Variants in TMEM127 observed in about 807,000 individuals in gnomAD.
TMEM127 encodes transmembrane protein 127.
A neutral mutation model predicts 20.1 loss-of-function variants in TMEM127; 21 were observed. The observed-to-expected ratio is 1.04, with a 90% confidence interval of 0.74 to 1.50. TMEM127 has a LOEUF of 1.50. Ranked by LOEUF, TMEM127 falls within the 40% of genes most tolerant of loss-of-function variation. The pLI, the probability that TMEM127 is intolerant of heterozygous loss-of-function variation, is 0.00. For synonymous variants in TMEM127, 150 were observed against 144.7 expected (o/e 1.04, Z -0.26); for missense variants, 303 against 317.4 (o/e 0.95, Z 0.34).
chr2:96,258,129 C>T (rs1287206017), intron 2 of TMEM127, among the ~76,000 whole-genome samples: 1 of 152,160 alleles, frequency 6.6e-6, no homozygotes, highest in Non-Finnish European at 1.5e-5. Context: ...ATACCCAAAT[C>T]ACTGTGGCAC....
intron 2 of TMEM127, among the ~76,000 whole-genome samples, chr2:96,259,030 A>G (rs975665603): frequency 6.6e-6 from 1 of 152,248 alleles, no homozygotes; most frequent in Non-Finnish European, 1.5e-5. Flanking sequence ...CATCCATGAC[A>G]TATACTCCTA....
chr2:96,259,639 T>C (rs1376980400), intron 2 of TMEM127, among the ~76,000 whole-genome samples: 1 of 152,228 alleles, frequency 6.6e-6, no homozygotes, highest in South Asian at 2.1e-4. Context: ...CATCAGAGCC[T>C]GCTCTAGGAA....
chr2:96,261,654 T>C (rs1029247473), intron 2 of TMEM127, among the ~76,000 whole-genome samples: 2 of 152,190 alleles, frequency 1.3e-5, no homozygotes, highest in African/African-American at 4.8e-5. Flanking sequence ...GCAGCTTTGA[T>C]GGGAAATAAA....
Position 96,252,048 on chromosome 2 carries a change from A to G in TMEM127, c.*1760T>C, listed in dbSNP as rs1465190940. ...AGGCATCACATAGCAGGCAGCCTGC[A>G]GCCTTTCTTGCCTGAGAGAAGAGTC... On this transcript the variant is annotated 3_prime_UTR_variant, in exon 4 of 4. Transcript: ENST00000258439. This position sits in a 1 kb window ranked among gnomAD's most constrained non-coding sequence, Gnocchi z 4.2. 1.3e-5 allele frequency: 3 copies of G among 233,454 alleles called. No individual in the cohort carries two copies. The highest frequency in any genetic ancestry group is 6.6e-5 in the African/African-American group (3 of 45,364). 14.5% of individuals were successfully genotyped at this position (233,454 alleles called of 1,614,324 possible).
Position 96,254,124 on chromosome 2 carries a change from CAG to C in TMEM127, c.410-11_410-10del. The C allele has an allele frequency of 6.2e-7, 1 of 1,613,390 alleles. No homozygotes were observed. The highest frequency in any genetic ancestry group is 8.5e-7 in the Non-Finnish European group (1 of 1,180,028). On this transcript the variant is annotated splice_polypyrimidine_tract_variant and intron_variant, in intron 3 of 3. Transcript: ENST00000258439. ...GGTGGCACACTGCAGAACTAGGAGA[CAG>C]AGGGACAGCACAGAAGGGGAATTAG...
rs991119687 is a variant in TMEM127, at chr2:96,249,955, T to C, written c.*3853A>G. On this transcript the variant is annotated 3_prime_UTR_variant, in exon 4 of 4. Transcript: ENST00000258439. The stretch of plus-strand genomic sequence containing the variant: ...TTCGCCTGTGCAGTTGATGCCACCT[T>C]CCAGCTGCCACGTGACAGGTGGGCA... The C allele has an allele frequency of 1.3e-5, 3 of 233,100 alleles. No individual in the cohort carries two copies. The Admixed American group carries it at 1.7e-4, about 13-fold the overall frequency. The allele number at this position is 233,100 out of a possible 1,614,324, so 14.4% of individuals were successfully genotyped here.
At position 96,253,892 on chromosome 2, in the gene TMEM127, G is replaced by A. The variant is rs368792184; in HGVS notation, c.633C>T (p.Leu211=). The A allele has an allele frequency of 1.1e-5, 17 of 1,614,016 alleles. No individual in the cohort carries two copies. Among genetic ancestry groups the A allele is most frequent in the Non-Finnish European group, 1.4e-5 (16 of 1,180,028 alleles). ...AGGGCTCGTTCTCTTCCATCTCTGA[G>A]AGCAGCTCCAGCGCCTGCTCCTCTT... ...TEEEEQALEL[L]SEMEENEPYP... is the part of the protein sequence containing the mutation. The change falls in exon 4 of 4, where the codon CTC becomes CTT. Residue 211 remains leucine (L), a synonymous_variant. Transcript: ENST00000258439. This position sits in a 1 kb window ranked among gnomAD's most constrained non-coding sequence, Gnocchi z 4.3.
intron 2 of TMEM127, among the ~76,000 whole-genome samples, chr2:96,263,360 C>CTTTTTT (rs1157265984): frequency 1.8e-5 from 2 of 109,398 alleles, no homozygotes; most frequent in Non-Finnish European, 3.9e-5. Flanking sequence ...CCTGGCCTTT[C>CTTTTTT]TTTTTTTTTT....
Position 96,253,574 on chromosome 2 carries a change from G to C in TMEM127, c.*234C>G, listed in dbSNP as rs980410178. 1 of 543,594 alleles carries C rather than the reference G, an allele frequency of 1.8e-6. No individual in the cohort carries two copies. 33.7% of individuals were successfully genotyped at this position (543,594 alleles called of 1,614,324 possible). A position where few individuals can be genotyped will look rare whatever the true frequency, so the allele number is the denominator to read the frequency against. On this transcript the variant is annotated 3_prime_UTR_variant, in exon 4 of 4. Coordinates refer to ENST00000258439, the MANE Select transcript of TMEM127 (RefSeq NM_017849.4). The surrounding 1 kb of genome is among the most constrained non-coding windows in gnomAD (Gnocchi z 4.3). ...CTGGTAATGACTCGTGAATGTGAAG[G>C]GGGCAGGATGTGGCAGGAGGGAAAG...
At position 96,250,731 on chromosome 2, in the gene TMEM127, G is replaced by A. The variant is rs534870063; in HGVS notation, c.*3077C>T. 39 of 232,968 alleles carry A rather than the reference G, an allele frequency of 1.7e-4. No individual in the cohort carries two copies. Among genetic ancestry groups the A allele is most frequent in the African/African-American group, 6.4e-4 (29 of 45,438 alleles). 14.4% of individuals were successfully genotyped at this position (232,968 alleles called of 1,614,324 possible). A position where few individuals can be genotyped will look rare whatever the true frequency, so the allele number is the denominator to read the frequency against. The stretch of plus-strand genomic sequence containing the variant: ...TGAAGGAAGAAGGAACGGAGAGAAC[G>A]TGGGCAATCAAGGCCTGGCACTGCC... On this transcript the variant is annotated 3_prime_UTR_variant, in exon 4 of 4. Coordinates refer to ENST00000258439, the MANE Select transcript of TMEM127 (RefSeq NM_017849.4).
In TMEM127 at chr2:96,250,166, CCTTCT is replaced by C. The variant is rs1684058167; in HGVS notation, c.*3637_*3641del. On this transcript the variant is annotated 3_prime_UTR_variant, in exon 4 of 4. Coordinates refer to ENST00000258439, the MANE Select transcript of TMEM127 (RefSeq NM_017849.4). Reference sequence around the variant, plus strand: ...AAAATAAGGTTGCATCCCTCCCTTCCCTTCTGAAAATCCTTCCTGGGCTCCTTCTG... The same window carrying C: ...AAAATAAGGTTGCATCCCTCCCTTCCGAAAATCCTTCCTGGGCTCCTTCTG... The C allele has an allele frequency of 4.3e-6, 1 of 233,404 alleles. No homozygotes were observed. Among genetic ancestry groups the C allele is most frequent in the Non-Finnish European group, 8.5e-6 (1 of 118,144 alleles). The allele number at this position is 233,404 out of a possible 1,614,324, so 14.5% of individuals were successfully genotyped here.
Position 96,249,522 on chromosome 2 carries a change from G to T in TMEM127, c.*4286C>A. The T allele has an allele frequency of 4.4e-6, 1 of 228,580 alleles. No individual in the cohort carries two copies. Among genetic ancestry groups the T allele is most frequent in the Non-Finnish European group, 8.7e-6 (1 of 115,132 alleles). The allele number at this position is 228,580 out of a possible 1,614,324, so 14.2% of individuals were successfully genotyped here. On this transcript the variant is annotated 3_prime_UTR_variant, in exon 4 of 4. Coordinates refer to ENST00000258439, the MANE Select transcript of TMEM127 (RefSeq NM_017849.4). ...GCCTGTAATCCCAACCCTTTGGGAAGGGAGGCAGAAGGATTGCCTGAAGCC... is the reference window on the plus strand; with the variant it reads ...GCCTGTAATCCCAACCCTTTGGGAATGGAGGCAGAAGGATTGCCTGAAGCC...
chr2:96,265,609 C>G, intron 1 of TMEM127, 97 bp from the exon 2 acceptor site: 1 of 439,984 alleles, frequency 2.3e-6, no homozygotes, highest in Non-Finnish European at 3.7e-6. Context: ...CAGGAGACTC[C>G]GGAATGGGAC....
chr2:96,261,564 G>A (rs930295706), intron 2 of TMEM127, among the ~76,000 whole-genome samples: 1 of 152,182 alleles, frequency 6.6e-6, no homozygotes, highest in Non-Finnish European at 1.5e-5. Context: ...ACACTGAGGC[G>A]ATGAAGTTAT....
intron 2 of TMEM127, among the ~76,000 whole-genome samples, chr2:96,256,947 A>C (rs1368167030): frequency 1.3e-5 from 2 of 152,192 alleles, no homozygotes; most frequent in Non-Finnish European, 2.9e-5. Context: ...AAGCCACCAC[A>C]TTTATACCAC....
rs1663482307 is a variant in TMEM127 at position 96,248,944 on chromosome 2, C to A, written c.*4864G>T. 1 of 232,740 alleles carries A rather than the reference C, an allele frequency of 4.3e-6. No homozygotes were observed. Among genetic ancestry groups the A allele is most frequent in the Non-Finnish European group, 8.5e-6 (1 of 117,754 alleles). 14.4% of individuals were successfully genotyped at this position (232,740 alleles called of 1,614,324 possible). On this transcript the variant is annotated 3_prime_UTR_variant, in exon 4 of 4. Transcript: ENST00000258439. ...CCTTACCACCCACTGTGTTGCTGTCCCACTCAGCTGAAGGGGCTGGCCAGT... is the reference window on the plus strand; with the variant it reads ...CCTTACCACCCACTGTGTTGCTGTCACACTCAGCTGAAGGGGCTGGCCAGT...
At position 96,265,986 on chromosome 2, in the gene TMEM127, C is replaced by A. The variant is rs1407016850; in HGVS notation, c.-249G>T. On this transcript the variant is annotated 5_prime_UTR_variant, in exon 1 of 4. Coordinates refer to ENST00000258439, the MANE Select transcript of TMEM127 (RefSeq NM_017849.4). ...CGCAACGCCCGGACAGACCCGGGGC[C>A]GATGCACTTCCGGCTTCCTCCTCCT... 5 of 200,140 alleles carry A rather than the reference C, an allele frequency of 2.5e-5. No homozygotes were observed. Among genetic ancestry groups the A allele is most frequent in the African/African-American group, 1.2e-4 (5 of 43,290 alleles). The allele number at this position is 200,140 out of a possible 1,614,324, so 12.4% of individuals were successfully genotyped here. A position where few individuals can be genotyped will look rare whatever the true frequency, so the allele number is the denominator to read the frequency against.
chr2:96,262,257 T>C (rs992630533), intron 2 of TMEM127, among the ~76,000 whole-genome samples: 1 of 136,708 alleles, frequency 7.3e-6, no homozygotes, highest in African/African-American at 2.6e-5. Context: ...AGAGTCTGTC[T>C]CATTTAAAAA....
At chr2:96,260,830 C>T (rs1441068874) in intron 2 of TMEM127, among the ~76,000 whole-genome samples, 3 of 152,182 alleles carry the variant, frequency 2.0e-5, no homozygotes, top group Admixed American at 6.5e-5. Context: ...ACCTGCTCAG[C>T]GTCTCCTCAC....
Sources: allele counts gnomAD v4.1 joint callset (sites outside exome capture counted in the v4.1 genomes callset), GRCh38; gene constraint gnomAD v4.1.1; non-coding constraint Gnocchi (gnomAD v3.1); transcripts MANE v1.5; gene names NCBI Gene and HGNC (gene_info 2026-07-23, HGNC 2026-07-21).